The following CCNDBP1 variants were observed in gnomAD, a reference collection of about 807,000 sequenced individuals.
CCNDBP1 encodes the protein cyclin-D1-binding protein 1.
A neutral mutation model predicts 46.2 loss-of-function variants in CCNDBP1; 45 were observed. The observed-to-expected ratio is 0.97, with a 90% CI of 0.77 to 1.25. The LOEUF (loss-of-function observed/expected upper bound fraction) is 1.25, where lower values mean the gene tolerates loss of function less well. CCNDBP1 is among the 50% of genes most tolerant of loss of function. CCNDBP1 has a pLI of 0.00. For missense variants in CCNDBP1, 436 were observed against 442.1 expected, an observed-to-expected ratio of 0.99 and a Z score of 0.12; for synonymous variants, 154 against 163.6, an observed-to-expected ratio of 0.94 and a Z score of 0.45.
In CCNDBP1 at chr15:43,194,814, G is replaced by T; in HGVS notation, c.1056G>T (p.Glu352Asp). 6.2e-7 allele frequency: 1 copy of T among 1,611,652 alleles called. No homozygotes were observed. The change falls in exon 11 of 11, where the codon GAG becomes GAT. Residue 352 changes from glutamate to aspartate, a missense_variant. Coordinates refer to ENST00000300213, the MANE Select transcript of CCNDBP1 (RefSeq NM_012142.5). ...ATCATTGCATGAATAGAATCAAGGAGCTCACTCAGAGTGAACTTGAATTAT... is the reference window on the plus strand; with the variant it reads ...ATCATTGCATGAATAGAATCAAGGATCTCACTCAGAGTGAACTTGAATTAT... The part of the protein sequence containing the change: ...AIDHCMNRIK[E>D]LTQSELEL
intron 8 of CCNDBP1, 81 bp downstream of exon 8, chr15:43,191,756 T>C (rs2041957168): frequency 2.0e-6 from 3 of 1,470,104 alleles, no homozygotes; most frequent in Non-Finnish European, 2.7e-6. Context: ...GTTTTCACAG[T>C]TTTTTTATAT....
intron 6 of CCNDBP1, 88 bp downstream of exon 6, chr15:43,190,486 A>ATTTATATTTCACTAGACTG: frequency 1.1e-6 from 1 of 934,412 alleles, no homozygotes; most frequent in Non-Finnish European, 1.7e-6. Context: ...ATGTATTTGA[A>ATTTATATTTCACTAGACTG]TTTATATAAA....
At position 43,186,238 on chromosome 15, in the gene CCNDBP1, G is replaced by C. The variant is rs1274679828; in HGVS notation, c.249+5G>C. 3 of 1,612,704 alleles carry C rather than the reference G, an allele frequency of 1.9e-6. No individual in the cohort carries two copies. The highest frequency in any genetic ancestry group is 2.7e-5 in the African/African-American group (2 of 74,888). ...CTTCCACTGCCGTCTCCACAGGTGG[G>C]CTTCACTTTCGTGGAATCCTTGGGC... On this transcript the variant is annotated splice_donor_5th_base_variant and intron_variant, in intron 3 of 10. Coordinates refer to ENST00000300213, the MANE Select transcript of CCNDBP1 (RefSeq NM_012142.5).
Position 43,194,838 on chromosome 15 carries a change from A to G in CCNDBP1, c.1080A>G (p.Leu360=), listed in dbSNP as rs748767160. Residue 360 remains leucine, a synonymous_variant, in exon 11 of 11, where the codon TTA becomes TTG. Coordinates refer to ENST00000300213, the MANE Select transcript of CCNDBP1 (RefSeq NM_012142.5). ...IKELTQSELE[L] ...AGCTCACTCAGAGTGAACTTGAATT[A>G]TGACTTTTCAGGCTCATTTGTACTC... The G allele has an allele frequency of 6.3e-7, 1 of 1,589,528 alleles. No individual in the cohort carries two copies. Among genetic ancestry groups the G allele is most frequent in the South Asian group, 1.1e-5 (1 of 90,570 alleles).
chr15:43,186,669 AT>A (rs1487917299), intron 3 of CCNDBP1, among the ~76,000 whole-genome samples: 3 of 152,156 alleles, frequency 2.0e-5, no homozygotes, highest in East Asian at 3.9e-4. Flanking sequence ...TTTTTATATT[AT>A]TTTTTATATT....
At position 43,196,082 on chromosome 15, in the gene CCNDBP1, T is replaced by A. The variant is rs959789649; in HGVS notation, c.*1241T>A. The A allele has an allele frequency of 1.1e-4, 17 of 152,280 alleles. No individual in the cohort carries two copies. The highest frequency in any genetic ancestry group is 4.1e-4 in the African/African-American group (17 of 41,550). The allele number at this position is 152,280 out of a possible 1,614,324, so 9.4% of individuals were successfully genotyped here. ...CATATAGAGCCTATTTTTTATATAC[T>A]TTTATATTTCTCTACTGGACCAAAT... On this transcript the variant is annotated 3_prime_UTR_variant, in exon 11 of 11. Coordinates refer to ENST00000300213, the MANE Select transcript of CCNDBP1 (RefSeq NM_012142.5).
Position 43,190,088 on chromosome 15 carries a change from C to T in CCNDBP1, c.365C>T (p.Thr122Ile), listed in dbSNP as rs752876914. Residue 122 changes from threonine to isoleucine, a missense_variant, in exon 5 of 11, where the codon ACC becomes ATC. Thr to Ile is a moderately conservative substitution (Grantham distance 89). Coordinates refer to ENST00000300213, the MANE Select transcript of CCNDBP1 (RefSeq NM_012142.5). The part of the protein sequence containing the change: ...ITLRKLVRGA[T>I]LDIVDGMAQL... ...CTGAGAAAGCTGGTACGGGGCGCCA[C>T]CCTGGACATCGTGGATGGCATGGCT... 3 of 1,614,124 alleles carry T rather than the reference C, an allele frequency of 1.9e-6. No homozygotes were observed. Among genetic ancestry groups the T allele is most frequent in the African/African-American group, 1.3e-5 (1 of 75,034 alleles).
chr15:43,194,046 C>CTTTTTTTTTT lies in CCNDBP1; in HGVS notation c.922-348_922-339dup, dbSNP rs748207621. The CTTTTTTTTTT allele has an allele frequency of 8.0e-5, 4 of 50,300 alleles. 1 individual carries two copies. The highest frequency in any genetic ancestry group is 2.6e-4 in the African/African-American group (1 of 3,916). 3.1% of individuals were successfully genotyped at this position (50,300 alleles called of 1,614,324 possible). A position where few individuals can be genotyped will look rare whatever the true frequency, so the allele number is the denominator to read the frequency against. ...TGGTGTTCTTAAAATTCTTAATGCG[C>CTTTTTTTTTT]TTTTTTTTTTTTTTTTTTTTTTTTT... On this transcript the variant is annotated intron_variant, in intron 9 of 10. Coordinates refer to ENST00000300213, the MANE Select transcript of CCNDBP1 (RefSeq NM_012142.5).
At chr15:43,192,438 G>A (rs1380822713) in intron 8 of CCNDBP1, among the ~76,000 whole-genome samples, 11 of 152,202 alleles carry the variant, frequency 7.2e-5, no homozygotes, top group Admixed American at 7.2e-4. Flanking sequence ...TTCCACTGAT[G>A]AAGGCTGCCT....
chr15:43,187,321 G>C (rs561504441), intron 3 of CCNDBP1, among the ~76,000 whole-genome samples: 2 of 150,956 alleles, frequency 1.3e-5, no homozygotes, highest in South Asian at 4.2e-4. Flanking sequence ...TCAGGCTGGA[G>C]TGCAGTGGCA....
In CCNDBP1 at chr15:43,190,060, A is replaced by G. The variant is rs2041923141; in HGVS notation, c.337A>G (p.Thr113Ala). ...TTCTTTGGGTTTGGCCACAGGGATC[A>G]CCCTGAGAAAGCTGGTACGGGGCGC... ...YYLLPKDQGI[T>A]LRKLVRGATL... The change falls in exon 5 of 11, where the codon ACC (threonine) becomes GCC (alanine). Residue 113 changes from threonine (T) to alanine (A), a missense_variant. Thr to Ala is a moderately conservative substitution (Grantham distance 58, BLOSUM62 0). Coordinates refer to ENST00000300213, the MANE Select transcript of CCNDBP1 (RefSeq NM_012142.5). 6.2e-7 allele frequency: 1 copy of G among 1,613,986 alleles called. No homozygotes were observed. The highest frequency in any genetic ancestry group is 8.5e-7 in the Non-Finnish European group (1 of 1,179,906).
In CCNDBP1 at chr15:43,185,684, A is replaced by T. The variant is rs894307086; in HGVS notation, c.109+77A>T. 6.0e-5 allele frequency: 62 copies of T among 1,041,670 alleles called. No individual in the cohort carries two copies. The Admixed American group carries it at 1.5e-3, about 25-fold the overall frequency. 64.5% of individuals were successfully genotyped at this position (1,041,670 alleles called of 1,614,324 possible). A position where few individuals can be genotyped will look rare whatever the true frequency, so the allele number is the denominator to read the frequency against. Reference sequence around the variant, plus strand: ...GGAGAGGCCGGGCTCGGGGTCGGGGAGAGGCCGGGCTCGGGGTCGCGGAGA... The same window carrying T: ...GGAGAGGCCGGGCTCGGGGTCGGGGTGAGGCCGGGCTCGGGGTCGCGGAGA... On this transcript the variant is annotated intron_variant, in intron 1 of 10. Transcript: ENST00000300213.
intron 3 of CCNDBP1, among the ~76,000 whole-genome samples, chr15:43,187,219 T>C (rs934694476): frequency 3.3e-5 from 5 of 152,168 alleles, no homozygotes; most frequent in African/African-American, 1.2e-4. Context: ...ATAAATATCT[T>C]CTGCTGCATG....
rs1357995940 is a variant in CCNDBP1 at position 43,195,825 on chromosome 15, G to GGTAT, written c.*985_*988dup. ...AACATATGCCTTTCTGCTGTCTTTA[G>GGTAT]GTATAATCAGCAACAGCAGTCATTC... On this transcript the variant is annotated 3_prime_UTR_variant, in exon 11 of 11. Coordinates refer to ENST00000300213, the MANE Select transcript of CCNDBP1 (RefSeq NM_012142.5). 2 of 152,082 alleles carry GGTAT rather than the reference G, an allele frequency of 1.3e-5. No homozygotes were observed. The allele number at this position is 152,082 out of a possible 1,614,324, so 9.4% of individuals were successfully genotyped here. A position where few individuals can be genotyped will look rare whatever the true frequency, so the allele number is the denominator to read the frequency against.
In CCNDBP1 at chr15:43,194,796, C is replaced by A. The variant is rs754778271; in HGVS notation, c.1038C>A (p.Cys346Ter). 10 of 1,613,652 alleles carry A rather than the reference C, an allele frequency of 6.2e-6. No homozygotes were observed. In the African/African-American group the frequency reaches 1.3e-4, roughly 22 times the overall value. Residue 346 changes from cysteine (C) to a stop codon, truncating the protein, a stop_gained, in exon 11 of 11, where the codon TGC (cysteine) becomes TGA (stop). Coordinates refer to ENST00000300213, the MANE Select transcript of CCNDBP1 (RefSeq NM_012142.5). LOFTEE classifies it high-confidence loss of function. ...IPLLINAIDHCMNRIKELTQS... is the reference protein window; with the variant it reads ...IPLLINAIDH ...TACTTATTAATGCCATTGATCATTG[C>A]ATGAATAGAATCAAGGAGCTCACTC...
In CCNDBP1 at chr15:43,192,778, T is replaced by C; in HGVS notation, c.896T>C (p.Met299Thr). Reference protein sequence around the residue: ...DDLALSIYPPMCHLTVRINSA... With the variant: ...DDLALSIYPPTCHLTVRINSA... Reference sequence around the variant, plus strand: ...TTGGCTCTGAGCATATATCCACCTATGTGTCACCTGACCGTGCGAATCAAT... The same window carrying C: ...TTGGCTCTGAGCATATATCCACCTACGTGTCACCTGACCGTGCGAATCAAT... Residue 299 changes from methionine (M) to threonine (T), a missense_variant, in exon 9 of 11, where the codon ATG becomes ACG. Physicochemically the swap from Met to Thr is moderately conservative, Grantham distance 81. Coordinates refer to ENST00000300213, the MANE Select transcript of CCNDBP1 (RefSeq NM_012142.5). The C allele has an allele frequency of 6.2e-7, 1 of 1,614,192 alleles. No homozygotes were observed. The highest frequency in any genetic ancestry group is 8.5e-7 in the Non-Finnish European group (1 of 1,180,012).
chr15:43,190,457 T>A, intron 6 of CCNDBP1, 59 bp downstream of exon 6: 1 of 1,316,766 alleles, frequency 7.6e-7, no homozygotes, highest in Non-Finnish European at 1.1e-6. Context: ...ACCTCATGTC[T>A]AGCTTCCAGC....
rs747743578 is a variant in CCNDBP1 at position 43,190,133 on chromosome 15, C to A, written c.410C>A (p.Ser137Tyr). The A allele has an allele frequency of 6.2e-7, 1 of 1,614,058 alleles. No homozygotes were observed. The highest frequency in any genetic ancestry group is 8.5e-7 in the Non-Finnish European group (1 of 1,179,970). ...DGMAQLMEVL[S>Y]VTPTQSPENN... ...ATGGCTCAGCTCATGGAAGTACTTT[C>A]CGTCACTCCAACTCAGAGGTAGTGA... The change falls in exon 5 of 11, where the codon TCC (serine) becomes TAC (tyrosine). Residue 137 changes from serine (S) to tyrosine (Y), a missense_variant. Coordinates refer to ENST00000300213, the MANE Select transcript of CCNDBP1 (RefSeq NM_012142.5).
chr15:43,189,145 A>G, intron 3 of CCNDBP1, 54 bp from the exon 4 acceptor site: 1 of 820,944 alleles, frequency 1.2e-6, no homozygotes, highest in Non-Finnish European at 2.0e-6. Context: ...TATCTGCTCT[A>G]TTCCACAGCA....
Sources: gnomAD v4.1 joint callset for allele counts (sites outside exome capture counted in the v4.1 genomes callset) on GRCh38, gnomAD v4.1.1 for gene constraint, MANE v1.5 for transcripts, NCBI Gene and HGNC (gene_info 2026-07-23, HGNC 2026-07-21) for gene names.